PLSCR2: variants seen among roughly 807,000 people sequenced by gnomAD.
PLSCR2 encodes the protein PL scramblase 2.
PLSCR2 carries 18 observed loss-of-function variants against 25.3 expected under a neutral mutation model. The observed-to-expected ratio is 0.71, with a 90% confidence interval of 0.49 to 1.06. PLSCR2 has a LOEUF of 1.06. Ranked by LOEUF, PLSCR2 falls within the 50% of genes least tolerant of loss-of-function variation. The pLI, the probability that PLSCR2 is intolerant of heterozygous loss-of-function variation, is 0.00. For missense variants in PLSCR2, 243 were observed against 269.5 expected, an observed-to-expected ratio of 0.90 and a Z score of 0.69; for synonymous variants, 88 against 87.3, an observed-to-expected ratio of 1.01 and a Z score of -0.04.
intron 2 of PLSCR2, among the ~76,000 whole-genome samples, chr3:146,419,766 G>A (rs902672624): frequency 6.6e-5 from 10 of 151,990 alleles, no homozygotes; most frequent in African/African-American, 1.9e-4. Context: ...GCAGTATAGC[G>A]TCTCCTTCCC....
chr3:146,476,618 G>A (rs1414975580), intron 1 of PLSCR2, among the ~76,000 whole-genome samples: 1 of 152,230 alleles, frequency 6.6e-6, no homozygotes, highest in Non-Finnish European at 1.5e-5. Flanking sequence ...CTAAGATGCT[G>A]AACTACTGGG....
intron 5 of PLSCR2, among the ~76,000 whole-genome samples, chr3:146,450,035 GA>G (rs987700099): frequency 6.6e-6 from 1 of 151,742 alleles, no homozygotes; most frequent in African/African-American, 2.4e-5. Flanking sequence ...CTATTTTTGT[GA>G]AAAAAAATAA....
chr3:146,441,923 A>G, intron 6 of PLSCR2, 102 bp from the exon 7 acceptor site: 1 of 679,862 alleles, frequency 1.5e-6, no homozygotes, highest in Non-Finnish European at 2.5e-6. Context: ...ATTGTCTGTT[A>G]AATAAGAAAA....
intron 3 of PLSCR2, among the ~76,000 whole-genome samples, chr3:146,455,799 C>T (rs1414610979): frequency 6.6e-6 from 1 of 152,006 alleles, no homozygotes; most frequent in African/African-American, 2.4e-5. Context: ...GATAAAATGT[C>T]CATTTATTTG....
At chr3:146,416,161 A>T (rs2039001189) in intron 2 of PLSCR2, among the ~76,000 whole-genome samples, 1 of 151,900 alleles carries the variant, frequency 6.6e-6, no homozygotes, top group Non-Finnish European at 1.5e-5. Flanking sequence ...CGTGTTAGCC[A>T]GGATGGTCTC....
chr3:146,455,810 GTATAGTTTTCA>G (rs1011060316), intron 3 of PLSCR2, among the ~76,000 whole-genome samples: 28 of 152,262 alleles, frequency 1.8e-4, no homozygotes, highest in Admixed American at 7.8e-4. Context: ...CATTTATTTG[GTATAGTTTTCA>G]TATATTATGG....
At chr3:146,492,668 G>C (rs1371141352) in intron 1 of PLSCR2, among the ~76,000 whole-genome samples, 1 of 151,970 alleles carries the variant, frequency 6.6e-6, no homozygotes, top group East Asian at 1.9e-4. Context: ...AAAGTTTATA[G>C]TGCCAAACAG....
exon 1 of PLSCR2, chr3:146,460,370 T>G (rs558932295): frequency 2.9e-5 from 7 of 241,896 alleles, no homozygotes; most frequent in Admixed American, 6.2e-5. Context: ...AAAGTGAAAG[T>G]AAACCCACCA....
chr3:146,439,354 A>C (rs1276285839), downstream of PLSCR2, among the ~76,000 whole-genome samples: 3 of 152,184 alleles, frequency 2.0e-5, no homozygotes, highest in East Asian at 5.8e-4. Flanking sequence ...CTCCTGGATA[A>C]TATCCTGAAG....
downstream of PLSCR2, among the ~76,000 whole-genome samples, chr3:146,430,838 C>T (rs1284697929): frequency 2.0e-5 from 3 of 151,670 alleles, no homozygotes; most frequent in East Asian, 1.9e-4. Flanking sequence ...TTTATTCTCC[C>T]CCTTCCCCAC....
chr3:146,404,454 A>G (rs2038581759), intron 2 of PLSCR2, among the ~76,000 whole-genome samples: 1 of 152,150 alleles, frequency 6.6e-6, no homozygotes, highest in Non-Finnish European at 1.5e-5. Context: ...CTCATGACCT[A>G]ATCACTTCTT....
At position 146,469,435 on chromosome 3, in the gene PLSCR2, C is replaced by G. The variant is rs182347588; in HGVS notation, c.-292-9151G>C. 1,074 of 920,016 alleles carry G rather than the reference C, an allele frequency of 1.2e-3. 14 individuals carry two copies. The African/African-American group carries it at 0.018, about 16-fold the overall frequency. The allele number at this position is 920,016 out of a possible 1,614,324, so 57.0% of individuals were successfully genotyped here. A position where few individuals can be genotyped will look rare whatever the true frequency, so the allele number is the denominator to read the frequency against. ...CACAATTATGGGGCGGAGCATCGTC[C>G]CCACTAGCCAGGCACACCCCAGTCC... is the stretch of plus-strand genomic sequence containing the variant. On this transcript the variant is annotated intron_variant, in intron 1 of 8. Coordinates refer to the PLSCR2 transcript ENST00000336685.
chr3:146,460,067 A>G, exon 2 of PLSCR2: 2 of 1,555,372 alleles, frequency 1.3e-6, no homozygotes, highest in South Asian at 2.3e-5. Flanking sequence ...TAGGGTAGAC[A>G]ATATGTCCGG....
chr3:146,448,374 T>C (rs1359766160), intron 6 of PLSCR2, among the ~76,000 whole-genome samples: 1 of 152,240 alleles, frequency 6.6e-6, no homozygotes, highest in Non-Finnish European at 1.5e-5. Flanking sequence ...TCTGATTATT[T>C]CACCAAATTA....
chr3:146,408,635 T>A (rs897275425), intron 2 of PLSCR2, among the ~76,000 whole-genome samples: 1 of 152,136 alleles, frequency 6.6e-6, no homozygotes, highest in Non-Finnish European at 1.5e-5. Context: ...TATCTGGGGC[T>A]TCCTGAGCCA....
At chr3:146,434,709 T>C (rs142179009) in intron 8 of PLSCR2, among the ~76,000 whole-genome samples, 8 of 152,240 alleles carry the variant, frequency 5.3e-5, no homozygotes, top group African/African-American at 1.9e-4. Flanking sequence ...TTATTTCCAA[T>C]AGTGATTTAG....
downstream of PLSCR2, among the ~76,000 whole-genome samples, chr3:146,439,009 T>G: frequency 6.6e-6 from 1 of 152,168 alleles, no homozygotes; most frequent in Non-Finnish European, 1.5e-5. Context: ...GTCTGTAAAG[T>G]ATTTTATTTC....
At chr3:146,493,441 G>A (rs2043624363) in intron 1 of PLSCR2, among the ~76,000 whole-genome samples, 4 of 152,128 alleles carry the variant, frequency 2.6e-5, no homozygotes, top group Admixed American at 2.6e-4. Context: ...TCATGATTGA[G>A]TAGGCTTTAA....
intron 8 of PLSCR2, among the ~76,000 whole-genome samples, chr3:146,435,861 G>A (rs1194611780): frequency 6.6e-6 from 1 of 152,190 alleles, no homozygotes; most frequent in African/African-American, 2.4e-5. Context: ...CCTATGTCCT[G>A]AATGGTATTG....
Sources: gnomAD v4.1 joint callset for allele counts (sites outside exome capture counted in the v4.1 genomes callset) on GRCh38, gnomAD v4.1.1 for gene constraint, MANE v1.5 for transcripts, NCBI Gene and HGNC (gene_info 2026-07-23, HGNC 2026-07-21) for gene names.